PXDN: variants seen among roughly 807,000 people sequenced by gnomAD.
PXDN encodes peroxidasin.
A neutral mutation model predicts 140.3 loss-of-function variants in PXDN; 77 were observed. The ratio of observed to expected loss-of-function variants is 0.55; its 90% confidence interval spans 0.46 to 0.66. The LOEUF (loss-of-function observed/expected upper bound fraction) is 0.66, where lower values mean the gene tolerates loss of function less well. Among genes scored for constraint, PXDN ranks in the 30% least tolerant of loss-of-function variants. The probability of loss-of-function intolerance (pLI) is 0.00; values close to 1 mark genes in which losing one functional copy is unlikely to be tolerated. For synonymous variants in PXDN, 911 were observed against 857.4 expected (o/e 1.06, Z -1.09); for missense variants, 1,838 against 2,039.5 (o/e 0.90, Z 1.90).
rs1271754544 is a variant in PXDN at position 1,651,357 on chromosome 2, C to T, written c.2105-1682G>A. 2.6e-5 allele frequency among the ~76,000 whole-genome samples: 4 copies of T among 152,156 alleles called. No homozygotes were observed. Among genetic ancestry groups the T allele is most frequent in the Non-Finnish European group, 4.4e-5 (3 of 68,034 alleles). On this transcript the variant is annotated intron_variant, in intron 16 of 22. Coordinates refer to ENST00000252804, the MANE Select transcript of PXDN (RefSeq NM_012293.3). The surrounding 1 kb of genome is among the most constrained non-coding windows in gnomAD (Gnocchi z 4.4). Reference sequence around the variant, plus strand: ...ACCCGCCAACCAGAGCAGGTGGCACCGACCCTGGCCCCAGTTTCCCAGGAC... The same window carrying T: ...ACCCGCCAACCAGAGCAGGTGGCACTGACCCTGGCCCCAGTTTCCCAGGAC...
At chr2:1,667,029 G>A (rs1268925237) in intron 9 of PXDN, among the ~76,000 whole-genome samples, 2 of 152,146 alleles carry the variant, frequency 1.3e-5, no homozygotes, top group African/African-American at 4.8e-5. Context: ...TGCTGGCAGT[G>A]GGAGCACACC....
chr2:1,744,539 C>T (rs1281416126), upstream of PXDN: 8 of 1,152,058 alleles, frequency 6.9e-6, no homozygotes, highest in Non-Finnish European at 7.6e-6. Context: ...CGGCCCACGT[C>T]CCAGCTGTGC....
intron 8 of PXDN, among the ~76,000 whole-genome samples, chr2:1,674,701 G>A (rs1683655292): frequency 6.6e-6 from 1 of 152,212 alleles, no homozygotes; most frequent in Non-Finnish European, 1.5e-5. Context: ...TGAGATCCCA[G>A]TCTATGGCAA....
chr2:1,635,726 C>T, intron 21 of PXDN: 1 of 570,744 alleles, frequency 1.8e-6, no homozygotes, highest in Non-Finnish European at 3.2e-6. Context: ...AAGACATTCC[C>T]ACCACCGTGC....
intron 1 of PXDN, among the ~76,000 whole-genome samples, chr2:1,737,381 A>G (rs1178235683): frequency 2.0e-5 from 3 of 152,148 alleles, no homozygotes; most frequent in Non-Finnish European, 4.4e-5. Flanking sequence ...CTAACCCACG[A>G]AACAGCGGAC....
Position 1,644,692 on chromosome 2 carries a change from C to T in PXDN, c.3669G>A (p.Val1223=), listed in dbSNP as rs569586612. ...GGGTGGGGCCCAGCCGGCTGCCAGG[C>T]ACCAGGTCCTCCACCACGAGCGCCG... The part of the protein sequence containing the change: ...LFPALVVEDL[V]PGSRLGPTLM... Residue 1223 remains valine, a synonymous_variant, in exon 18 of 23, where the codon GTG becomes GTA. Coordinates refer to ENST00000252804, the MANE Select transcript of PXDN (RefSeq NM_012293.3). The T allele has an allele frequency of 5.6e-6, 9 of 1,603,916 alleles. No homozygotes were observed. Among genetic ancestry groups the T allele is most frequent in the Non-Finnish European group, 7.7e-6 (9 of 1,173,326 alleles).
intron 15 of PXDN, 82 bp from the exon 16 acceptor site, chr2:1,653,867 T>C: frequency 7.3e-7 from 1 of 1,374,302 alleles, no homozygotes; most frequent in Non-Finnish European, 9.9e-7. Flanking sequence ...AATATAATCA[T>C]TGCTATTAAT....
intron 17 of PXDN, among the ~76,000 whole-genome samples, 184 bp from the exon 18 acceptor site, chr2:1,644,936 T>G (rs1682816982): frequency 6.6e-6 from 1 of 152,212 alleles, no homozygotes; most frequent in South Asian, 2.1e-4. Context: ...TTTTCCCTAC[T>G]TTCTATTATA....
Position 1,653,740 on chromosome 2 carries a change from C to T in PXDN, c.1992G>A (p.Pro664=), listed in dbSNP as rs200009119. 2.0e-5 allele frequency: 32 copies of T among 1,594,236 alleles called. No individual in the cohort carries two copies. The highest frequency in any genetic ancestry group is 1.2e-4 in the Admixed American group (7 of 56,850). ...CCTGTTCAACTGTGTAAGGATCCCTCGGATACCGGAACAAGGCCAGCAAAT... is the reference window on the plus strand; with the variant it reads ...CCTGTTCAACTGTGTAAGGATCCCTTGGATACCGGAACAAGGCCAGCAAAT... ...PNDLLALFRY[P]RDPYTVEQAR... is the part of the protein sequence containing the mutation. Residue 664 remains proline (P), a synonymous_variant, in exon 16 of 23, where the codon CCG becomes CCA. Coordinates refer to ENST00000252804, the MANE Select transcript of PXDN (RefSeq NM_012293.3).
chr2:1,635,396 C>T lies in PXDN; in HGVS notation c.4320+12G>A. 6.4e-7 allele frequency: 1 copy of T among 1,562,840 alleles called. No homozygotes were observed. The highest frequency in any genetic ancestry group is 1.2e-5 in the South Asian group (1 of 85,246). ...TACCTTAGGACATGAAGATAGAGCC[C>T]CCCATACTCACTTTGCATTCACAAA... On this transcript the variant is annotated intron_variant, in intron 22 of 22. Transcript: ENST00000252804.
chr2:1,690,915 AC>A, intron 3 of PXDN, among the ~76,000 whole-genome samples: 1 of 152,214 alleles, frequency 6.6e-6, no homozygotes, highest in Non-Finnish European at 1.5e-5. Flanking sequence ...TTCAGAGTAT[AC>A]ATCAACAATA....
At chr2:1,734,820 T>C (rs1685394907) in intron 1 of PXDN, among the ~76,000 whole-genome samples, 2 of 152,180 alleles carry the variant, frequency 1.3e-5, no homozygotes, top group Non-Finnish European at 2.9e-5. Context: ...TGAGGCAAGA[T>C]TGTGCCACTG....
intron 1 of PXDN, among the ~76,000 whole-genome samples, chr2:1,710,582 G>A (rs1335491265): frequency 8.6e-6 from 1 of 116,412 alleles, no homozygotes; most frequent in South Asian, 2.9e-4. Context: ...CTCTCCACTA[G>A]CACCCTCTCC....
chr2:1,744,766 AC>A (rs1374710373), upstream of PXDN: 5 of 245,684 alleles, frequency 2.0e-5, no homozygotes, highest in Non-Finnish European at 3.8e-5. Flanking sequence ...GGGGCTCGGG[AC>A]CCTGGGGCCT....
At position 1,714,590 on chromosome 2, in the gene PXDN, T is replaced by G. The variant is rs1684854778; in HGVS notation, c.201-21456A>C. On this transcript the variant is annotated intron_variant, in intron 1 of 22. Coordinates refer to ENST00000252804, the MANE Select transcript of PXDN (RefSeq NM_012293.3). The surrounding 1 kb of genome is among the most constrained non-coding windows in gnomAD (Gnocchi z 4.3). Reference sequence around the variant, plus strand: ...GGGACATCTTTGCTTGAGGTGCAGATCCTGGCCTTGCAGCTCCTGAATTCT... The same window carrying G: ...GGGACATCTTTGCTTGAGGTGCAGAGCCTGGCCTTGCAGCTCCTGAATTCT... 6.6e-6 allele frequency among the ~76,000 whole-genome samples: 1 copy of G among 152,140 alleles called. No individual in the cohort carries two copies. Among genetic ancestry groups the G allele is most frequent in the African/African-American group, 2.4e-5 (1 of 41,436 alleles).
At position 1,648,921 on chromosome 2, in the gene PXDN, G is replaced by A. The variant is rs761397457; in HGVS notation, c.2859C>T (p.Thr953=). Residue 953 remains threonine, a synonymous_variant, in exon 17 of 23, where the codon ACC becomes ACT. Transcript: ENST00000252804. This position sits in a 1 kb window ranked among gnomAD's most constrained non-coding sequence, Gnocchi z 8.9. The part of the protein sequence containing the change: ...RSGKPLLPFA[T]GPPTECMRDE... ...CCCGCATGCACTCCGTGGGCGGCCC[G>A]GTGGCGAAGGGGAGCAGCGGCTTCC... 1.4e-5 allele frequency: 23 copies of A among 1,602,704 alleles called. No individual in the cohort carries two copies. In the Middle Eastern group the frequency reaches 5.0e-4, roughly 35 times the overall value.
chr2:1,691,070 C>A (rs1465075392), intron 3 of PXDN, among the ~76,000 whole-genome samples: 1 of 152,088 alleles, frequency 6.6e-6, no homozygotes, highest in African/African-American at 2.4e-5. Context: ...CAAACCTGCA[C>A]GTTCTGCACA....
intron 1 of PXDN, among the ~76,000 whole-genome samples, chr2:1,740,833 G>A (rs1685526570): frequency 6.6e-6 from 1 of 152,174 alleles, no homozygotes; most frequent in South Asian, 2.1e-4. Flanking sequence ...TGAGAATGAG[G>A]AGCAGCTGTC....
At chr2:1,721,227 G>T (rs1017448487) in intron 1 of PXDN, among the ~76,000 whole-genome samples, 1 of 152,148 alleles carries the variant, frequency 6.6e-6, no homozygotes, top group Non-Finnish European at 1.5e-5. Context: ...TGAGGATGGG[G>T]CTCCTTCACT....
Sources: allele counts gnomAD v4.1 joint callset (sites outside exome capture counted in the v4.1 genomes callset), GRCh38; gene constraint gnomAD v4.1.1; non-coding constraint Gnocchi (gnomAD v3.1); transcripts MANE v1.5; gene names NCBI Gene and HGNC (gene_info 2026-07-23, HGNC 2026-07-21).